WDR77: variants seen among roughly 807,000 people sequenced by gnomAD.
The protein encoded by WDR77 is methylosome protein WDR77.
Under a neutral mutation model 44.0 loss-of-function variants are expected in WDR77, and 31 were observed. The observed-to-expected ratio is 0.70, with a 90% CI of 0.53 to 0.95. The LOEUF (loss-of-function observed/expected upper bound fraction) is 0.95, where lower values mean the gene tolerates loss of function less well. WDR77 is among the 40% of genes least tolerant of loss of function. The pLI, the probability that WDR77 is intolerant of heterozygous loss-of-function variation, is 0.00. For synonymous variants in WDR77, 186 were observed against 165.7 expected (o/e 1.12, Z -0.94); for missense variants, 390 against 423.9 (o/e 0.92, Z 0.70).
intron 4 of WDR77, among the ~76,000 whole-genome samples, chr1:111,446,071 T>A (rs1192607123): frequency 6.6e-6 from 1 of 152,214 alleles, no homozygotes. Context: ...TGCGCACAGC[T>A]GGGCATTCAA....
intron 6 of WDR77, chr1:111,443,608 T>A: frequency 1.0e-6 from 1 of 973,734 alleles, no homozygotes; most frequent in Non-Finnish European, 1.2e-6. Flanking sequence ...CAGGCACGAA[T>A]CATGACGATA....
At chr1:111,446,348 G>A (rs752199585) in intron 4 of WDR77, among the ~76,000 whole-genome samples, 1 of 152,190 alleles carries the variant, frequency 6.6e-6, no homozygotes, top group South Asian at 2.1e-4. Context: ...ATGAAAGTGA[G>A]CAGAAAGAGG....
Position 111,449,152 on chromosome 1 carries a change from TG to T in WDR77, c.17del (p.Pro6HisfsTer4). The T allele has an allele frequency of 6.4e-7, 1 of 1,551,052 alleles. No homozygotes were observed. The highest frequency in any genetic ancestry group is 8.6e-7 in the Non-Finnish European group (1 of 1,156,260). On this transcript the variant is annotated frameshift_variant, in exon 1 of 10. Transcript: ENST00000235090. LOFTEE classifies it high-confidence loss of function. MRKETPPPLVPPAARE... is the reference protein window; with the variant it reads MRKETXPPLVPPAARE... ...GGGCCGCCGGGGGCACTAGGGGGGG[TG>T]GGGTTTCCTTCCGCATCTCCACGGT...
At chr1:111,445,969 C>T (rs951373591) in intron 4 of WDR77, among the ~76,000 whole-genome samples, 1 of 152,156 alleles carries the variant, frequency 6.6e-6, no homozygotes, top group African/African-American at 2.4e-5. Context: ...AAGGTTTCGG[C>T]ATGTTGGCCA....
At chr1:111,444,183 G>A in intron 4 of WDR77, 59 bp from the exon 5 acceptor site, 1 of 1,547,408 alleles carries the variant, frequency 6.5e-7, no homozygotes, top group Non-Finnish European at 8.9e-7. Flanking sequence ...TTACTAGAGG[G>A]CCAGCCCAGG....
intron 3 of WDR77, 121 bp downstream of exon 3, chr1:111,447,314 A>G: frequency 6.6e-7 from 1 of 1,508,232 alleles, no homozygotes; most frequent in Non-Finnish European, 9.0e-7. Flanking sequence ...CCTTATAGAC[A>G]TGCTAAAATA....
chr1:111,448,970 G>T, intron 1 of WDR77, 85 bp downstream of exon 1: 2 of 1,539,100 alleles, frequency 1.3e-6, no homozygotes, highest in South Asian at 1.2e-5. Flanking sequence ...CATGCAGGGC[G>T]GGGATGGGCT....
rs878957362 is a variant in WDR77 at position 111,443,211 on chromosome 1, T to A, written c.691+112A>T. 49 of 987,154 alleles carry A rather than the reference T, an allele frequency of 5.0e-5. 1 individual carries two copies. In the South Asian group the frequency reaches 8.2e-4, roughly 16 times the overall value. 61.1% of individuals were successfully genotyped at this position (987,154 alleles called of 1,614,324 possible). A position where few individuals can be genotyped will look rare whatever the true frequency, so the allele number is the denominator to read the frequency against. ...CCCTCAATTCATAATTCATCTAGTG[T>A]CCATGAGGGCTAAGACTGAGCAACA... is the stretch of plus-strand genomic sequence containing the variant. On this transcript the variant is annotated intron_variant, in intron 7 of 9. Coordinates refer to ENST00000235090, the MANE Select transcript of WDR77 (RefSeq NM_024102.4).
chr1:111,440,930 GA>G lies in WDR77; in HGVS notation c.*299del, dbSNP rs1388073949. 1 of 198,732 alleles carries G rather than the reference GA, an allele frequency of 5.0e-6. No individual in the cohort carries two copies. The highest frequency in any genetic ancestry group is 1.0e-5 in the Non-Finnish European group (1 of 99,460). The allele number at this position is 198,732 out of a possible 1,614,324, so 12.3% of individuals were successfully genotyped here. Reference sequence around the variant, plus strand: ...TCAACTTGTTTTGGGGGGTGAGAGAGAGGCAGTGCTTAGGGAAGATGTAGGA... The same window carrying G: ...TCAACTTGTTTTGGGGGGTGAGAGAGGGCAGTGCTTAGGGAAGATGTAGGA... On this transcript the variant is annotated 3_prime_UTR_variant, in exon 10 of 10. Coordinates refer to ENST00000235090, the MANE Select transcript of WDR77 (RefSeq NM_024102.4).
intron 4 of WDR77, 151 bp downstream of exon 4, chr1:111,446,944 A>G: frequency 1.3e-6 from 1 of 753,662 alleles, no homozygotes; most frequent in Non-Finnish European, 2.2e-6. Context: ...GGAAATTGAG[A>G]AAAGGACAAG....
intron 8 of WDR77, 40 bp from the exon 9 acceptor site, chr1:111,442,133 G>C (rs765265879): frequency 6.9e-6 from 11 of 1,597,402 alleles, no homozygotes; most frequent in Admixed American, 6.7e-5. Context: ...GTCCAGCCTG[G>C]ATCCCAAGAC....
Position 111,442,781 on chromosome 1 carries a change from T to A in WDR77, c.692-20A>T. On this transcript the variant is annotated intron_variant, in intron 7 of 9. Coordinates refer to ENST00000235090, the MANE Select transcript of WDR77 (RefSeq NM_024102.4). ...CATCACCTGTAGAAGAGAAGGAACA[T>A]GTCATAGTGATTAAGAGCATGGACT... 6.6e-7 allele frequency: 1 copy of A among 1,513,388 alleles called. No homozygotes were observed. Among genetic ancestry groups the A allele is most frequent in the Non-Finnish European group, 9.0e-7 (1 of 1,117,092 alleles). The allele number at this position is 1,513,388 out of a possible 1,614,324, so 93.7% of individuals were successfully genotyped here.
intron 4 of WDR77, among the ~76,000 whole-genome samples, chr1:111,444,691 G>A (rs1002356874): frequency 2.8e-4 from 42 of 152,242 alleles, no homozygotes; most frequent in African/African-American, 8.7e-4. Flanking sequence ...GGGACAAAAG[G>A]GGCTTTTCCA....
intron 8 of WDR77, 90 bp from the exon 9 acceptor site, chr1:111,442,183 G>T: frequency 7.8e-7 from 1 of 1,277,250 alleles, no homozygotes; most frequent in Non-Finnish European, 1.1e-6. Flanking sequence ...ACTGTAAAGT[G>T]ACCCAGGAGA....
At position 111,442,013 on chromosome 1, in the gene WDR77, C is replaced by A. The variant is rs1206457943; in HGVS notation, c.869+12G>T. On this transcript the variant is annotated intron_variant, in intron 9 of 9. Transcript: ENST00000235090. Reference sequence around the variant, plus strand: ...CTTCCCTGATTCCCAAAGGATTCCACTTCACACTTACAACTCAGAAAGGCT... The same window carrying A: ...CTTCCCTGATTCCCAAAGGATTCCAATTCACACTTACAACTCAGAAAGGCT... 8 of 1,613,426 alleles carry A rather than the reference C, an allele frequency of 5.0e-6. No individual in the cohort carries two copies. The highest frequency in any genetic ancestry group is 6.8e-6 in the Non-Finnish European group (8 of 1,179,494).
At chr1:111,446,832 T>C (rs977748940) in intron 4 of WDR77, 22 of 389,286 alleles carry the variant, frequency 5.7e-5, no homozygotes, top group Non-Finnish European at 9.7e-5. Flanking sequence ...TCTCAGTTGA[T>C]TGTTCAGTCA....
intron 9 of WDR77, 118 bp downstream of exon 9, chr1:111,441,907 G>A (rs1006828719): frequency 2.0e-5 from 21 of 1,027,546 alleles, no homozygotes; most frequent in Non-Finnish European, 2.7e-5. Context: ...AAGTCCCTTC[G>A]GATACAGATG....
chr1:111,448,162 G>A (rs955315610), intron 2 of WDR77, among the ~76,000 whole-genome samples: 4 of 150,466 alleles, frequency 2.7e-5, no homozygotes, highest in Non-Finnish European at 5.9e-5. Flanking sequence ...ATGCAATGCC[G>A]GCCAACTTCC....
chr1:111,442,008 T>C lies in WDR77; in HGVS notation c.869+17A>G. On this transcript the variant is annotated intron_variant, in intron 9 of 9. Transcript: ENST00000235090. ...CTCCCCTTCCCTGATTCCCAAAGGA[T>C]TCCACTTCACACTTACAACTCAGAA... 6.2e-7 allele frequency: 1 copy of C among 1,612,504 alleles called. No homozygotes were observed. The highest frequency in any genetic ancestry group is 8.5e-7 in the Non-Finnish European group (1 of 1,178,814).
Sources: gnomAD v4.1 joint callset for allele counts (sites outside exome capture counted in the v4.1 genomes callset) on GRCh38, gnomAD v4.1.1 for gene constraint, MANE v1.5 for transcripts, NCBI Gene and HGNC (gene_info 2026-07-23, HGNC 2026-07-21) for gene names.